ARHGAP17: variants seen among roughly 807,000 people sequenced by gnomAD.
ARHGAP17 encodes the protein Rho GTPase activating protein 17, also known as rho GTPase-activating protein 17.
In ARHGAP17, 57 loss-of-function variants were observed where a neutral mutation model predicts 99.5. The observed-to-expected ratio is 0.57, with a 90% CI of 0.46 to 0.71. The LOEUF is 0.71. Ranked by LOEUF, ARHGAP17 falls within the 30% of genes least tolerant of loss-of-function variation. The probability of loss-of-function intolerance (pLI) is 0.00; values close to 1 mark genes in which losing one functional copy is unlikely to be tolerated. For missense variants in ARHGAP17, 1,000 were observed against 1,122.4 expected, an observed-to-expected ratio of 0.89 and a Z score of 1.56; for synonymous variants, 417 against 429.6, an observed-to-expected ratio of 0.97 and a Z score of 0.36.
intron 6 of ARHGAP17, among the ~76,000 whole-genome samples, chr16:24,965,811 A>G (rs553593400): frequency 1.3e-5 from 2 of 152,382 alleles, no homozygotes; most frequent in East Asian, 3.9e-4. Context: ...TGTCATAAGG[A>G]GGAAAAGCGA....
intron 2 of ARHGAP17, 74 bp downstream of exon 2, chr16:24,978,892 A>C: frequency 1.4e-4 from 122 of 885,606 alleles, no homozygotes; most frequent in Non-Finnish European, 1.9e-4. Flanking sequence ...AAAAGCCCAC[A>C]GGCCTCAATT....
rs182775227 is a variant in ARHGAP17, at chr16:24,929,420, C to G, written c.2515+1364G>C. On this transcript the variant is annotated intron_variant, in intron 19 of 19. Coordinates refer to ENST00000289968, the MANE Select transcript of ARHGAP17 (RefSeq NM_001006634.3). ...TCCTCGAATTTGAAGCACTGCAGCT[C>G]AAAGTGCTTCTGATAAAAATAAAGA... is the stretch of plus-strand genomic sequence containing the variant. Among the ~76,000 whole-genome samples, 19 of 152,294 alleles carry G rather than the reference C, an allele frequency of 1.2e-4. No homozygotes were observed. In the East Asian group the frequency reaches 3.5e-3, roughly 28 times the overall value.
chr16:24,948,237 G>A (rs946600370), intron 13 of ARHGAP17, among the ~76,000 whole-genome samples: 6 of 152,162 alleles, frequency 3.9e-5, no homozygotes, highest in Non-Finnish European at 4.4e-5. Flanking sequence ...GGAGAATGAC[G>A]TATACAATAT....
intron 1 of ARHGAP17, among the ~76,000 whole-genome samples, chr16:24,995,014 A>G (rs2053153026): frequency 6.6e-6 from 1 of 152,174 alleles, no homozygotes; most frequent in African/African-American, 2.4e-5. Context: ...GGAAGCAAAC[A>G]CGTCCTTCTT....
intron 1 of ARHGAP17, among the ~76,000 whole-genome samples, chr16:25,008,169 T>C (rs1403247457): frequency 3.3e-5 from 5 of 152,350 alleles, no homozygotes; most frequent in Non-Finnish European, 7.3e-5. Context: ...TATCACCATT[T>C]TGTAATCCAA....
At chr16:25,000,659 A>G (rs1027146133) in intron 1 of ARHGAP17, among the ~76,000 whole-genome samples, 2 of 152,192 alleles carry the variant, frequency 1.3e-5, no homozygotes, top group African/African-American at 4.8e-5. Flanking sequence ...GCTACAATTC[A>G]GTCTACTGCC....
chr16:25,003,269 C>G (rs1338926510), intron 1 of ARHGAP17, among the ~76,000 whole-genome samples: 1 of 121,242 alleles, frequency 8.2e-6, no homozygotes, highest in Non-Finnish European at 1.7e-5. Context: ...GGGTCTCACT[C>G]TGTTGCCCAG....
intron 17 of ARHGAP17, among the ~76,000 whole-genome samples, chr16:24,937,107 A>G (rs1322384105): frequency 7.1e-6 from 1 of 141,594 alleles, no homozygotes; most frequent in Non-Finnish European, 1.5e-5. Context: ...ACAGAGCAAG[A>G]CCCTGTCTGA....
chr16:24,925,930 G>A (rs2050828440), intron 19 of ARHGAP17, among the ~76,000 whole-genome samples: 1 of 151,998 alleles, frequency 6.6e-6, no homozygotes, highest in South Asian at 2.1e-4. Flanking sequence ...CTAACATGGT[G>A]AAACCCTGTC....
chr16:24,978,887 C>G lies in ARHGAP17; in HGVS notation c.93+79G>C. The G allele has an allele frequency of 3.1e-6, 3 of 958,048 alleles. No homozygotes were observed. The South Asian group carries it at 5.2e-5, about 17-fold the overall frequency. 59.3% of individuals were successfully genotyped at this position (958,048 alleles called of 1,614,324 possible). On this transcript the variant is annotated intron_variant, in intron 2 of 19. Coordinates refer to ENST00000289968, the MANE Select transcript of ARHGAP17 (RefSeq NM_001006634.3). ...TGGTTAAAAAAAAAAAAAAAAAAAG[C>G]CCACAGGCCTCAATTCTCACATAGG...
chr16:24,943,956 T>C lies in ARHGAP17; in HGVS notation c.1242-94A>G. 2.6e-6 allele frequency: 3 copies of C among 1,134,766 alleles called. No individual in the cohort carries two copies. In the South Asian group the frequency reaches 4.0e-5, roughly 15 times the overall value. 70.3% of individuals were successfully genotyped at this position (1,134,766 alleles called of 1,614,324 possible). A position where few individuals can be genotyped will look rare whatever the true frequency, so the allele number is the denominator to read the frequency against. The stretch of plus-strand genomic sequence containing the variant: ...GGGCAATTCAATTATTTTTAAAGGA[T>C]AAAATATTTAAAAGATGCAAAAATC... On this transcript the variant is annotated intron_variant, in intron 14 of 19. Transcript: ENST00000289968.
At chr16:25,013,883 T>C (rs1304565686) in intron 1 of ARHGAP17, 2 of 152,182 alleles carry the variant, frequency 1.3e-5, no homozygotes, top group Non-Finnish European at 2.9e-5. Flanking sequence ...CATGTGCTTG[T>C]AAACTGTTCC....
chr16:24,985,847 T>C (rs138163425), intron 1 of ARHGAP17, among the ~76,000 whole-genome samples: 483 of 151,240 alleles, frequency 3.2e-3, no homozygotes, highest in Non-Finnish European at 5.6e-3. Flanking sequence ...TGCACACCCA[T>C]ACACACACAC....
chr16:24,920,027 C>CCT lies in ARHGAP17; in HGVS notation c.*102_*103insAG. The CCT allele has an allele frequency of 6.6e-7, 1 of 1,503,890 alleles. No homozygotes were observed. Among genetic ancestry groups the CCT allele is most frequent in the Non-Finnish European group, 9.0e-7 (1 of 1,107,946 alleles). 93.2% of individuals were successfully genotyped at this position (1,503,890 alleles called of 1,614,324 possible). On this transcript the variant is annotated 3_prime_UTR_variant, in exon 20 of 20. Coordinates refer to ENST00000289968, the MANE Select transcript of ARHGAP17 (RefSeq NM_001006634.3). ...GCACAGTGAGGCCCTCCTTTGTCCT[C>CCT]CACTGAAAGCTTTTCACTGTTCGGT...
At chr16:24,932,522 C>G (rs1207572942) in intron 18 of ARHGAP17, among the ~76,000 whole-genome samples, 1 of 152,092 alleles carries the variant, frequency 6.6e-6, no homozygotes, top group Non-Finnish European at 1.5e-5. Flanking sequence ...CCTGATATAA[C>G]ATGACCCCTG....
At chr16:24,950,568 T>C (rs4787292) in intron 12 of ARHGAP17, among the ~76,000 whole-genome samples, 37,321 of 151,862 alleles carry the variant, frequency 0.25, 9,294 homozygotes, top group African/African-American at 0.64. Context: ...AGCGCGGTGG[T>C]TTATGCCAGT....
intron 3 of ARHGAP17, among the ~76,000 whole-genome samples, chr16:24,975,498 T>C (rs1445612280): frequency 1.3e-5 from 2 of 152,202 alleles, no homozygotes; most frequent in Non-Finnish European, 2.9e-5. Flanking sequence ...AGGCTGGGTC[T>C]GGTTCCGAGG....
intron 19 of ARHGAP17, among the ~76,000 whole-genome samples, chr16:24,929,323 G>T (rs2050921255): frequency 6.6e-6 from 1 of 152,138 alleles, no homozygotes; most frequent in Non-Finnish European, 1.5e-5. Flanking sequence ...GAGCCACTGT[G>T]CTTGGCCCCT....
At chr16:24,997,194 T>A (rs1349756057) in intron 1 of ARHGAP17, among the ~76,000 whole-genome samples, 1 of 152,080 alleles carries the variant, frequency 6.6e-6, no homozygotes, top group Non-Finnish European at 1.5e-5. Flanking sequence ...GCACATGGAC[T>A]GGTGCAAGGT....
Sources: gnomAD v4.1 joint callset for allele counts (sites outside exome capture counted in the v4.1 genomes callset) on GRCh38, gnomAD v4.1.1 for gene constraint, MANE v1.5 for transcripts, NCBI Gene and HGNC (gene_info 2026-07-23, HGNC 2026-07-21) for gene names.